Variants in KCNT2 observed in about 807,000 individuals in gnomAD.
The protein encoded by KCNT2 is potassium sodium-activated channel subfamily T member 2, also known as potassium channel subfamily T member 2.
A neutral mutation model predicts 153.8 loss-of-function variants in KCNT2; 67 were observed. The observed-to-expected ratio is 0.44, with a 90% CI of 0.36 to 0.53. The LOEUF (loss-of-function observed/expected upper bound fraction) is 0.53. Ranked by LOEUF, KCNT2 falls within the 20% of genes least tolerant of loss-of-function variation. KCNT2 has a pLI of 0.00. For synonymous variants in KCNT2, 500 were observed against 458.8 expected, an observed-to-expected ratio of 1.09 and a Z score of -1.15; for missense variants, 975 against 1,354.8, an observed-to-expected ratio of 0.72 and a Z score of 4.40.
intron 14 of KCNT2, among the ~76,000 whole-genome samples, chr1:196,344,172 A>G (rs539521614): frequency 2.6e-5 from 4 of 152,210 alleles, no homozygotes; most frequent in Non-Finnish European, 5.9e-5. Context: ...GTTAGATAAA[A>G]TGAGGTAACA....
chr1:196,593,531 A>G (rs1483792765), intron 1 of KCNT2, among the ~76,000 whole-genome samples: 1 of 151,884 alleles, frequency 6.6e-6, no homozygotes, highest in Non-Finnish European at 1.5e-5. Context: ...TGGTTTCGAA[A>G]ATAACTAAAA....
At chr1:196,237,623 G>A (rs916902773) in intron 26 of KCNT2, among the ~76,000 whole-genome samples, 1 of 151,704 alleles carries the variant, frequency 6.6e-6, no homozygotes, top group African/African-American at 2.4e-5. Context: ...GGAGTACAAT[G>A]GCTTGATCAT....
chr1:196,586,657 A>G (rs547641862), intron 1 of KCNT2, among the ~76,000 whole-genome samples: 41 of 152,228 alleles, frequency 2.7e-4, no homozygotes, highest in African/African-American at 9.4e-4. Context: ...GAAGACAAGT[A>G]GAAAGAAATA....
At chr1:196,599,159 G>A (rs548827490) in intron 1 of KCNT2, among the ~76,000 whole-genome samples, 59 of 152,330 alleles carry the variant, frequency 3.9e-4, no homozygotes, top group Non-Finnish European at 6.2e-4. Context: ...TAGTATTTCA[G>A]TTTTTGACAG....
chr1:196,601,959 G>A (rs558141895), intron 1 of KCNT2, among the ~76,000 whole-genome samples: 12 of 151,894 alleles, frequency 7.9e-5, no homozygotes, highest in African/African-American at 2.2e-4. Context: ...TTAGATAGAC[G>A]TCTGTTACTT....
intron 1 of KCNT2, among the ~76,000 whole-genome samples, chr1:196,500,779 A>C (rs1473923002): frequency 1.3e-5 from 2 of 152,260 alleles, no homozygotes; most frequent in African/African-American, 4.8e-5. Context: ...GAATGCCAGA[A>C]AATATTTGCA....
At chr1:196,490,064 T>C (rs1252362528) in intron 2 of KCNT2, 127 bp from the exon 3 acceptor site, 1 of 464,172 alleles carries the variant, frequency 2.2e-6, no homozygotes, top group South Asian at 4.6e-5. Flanking sequence ...ACTACTATAA[T>C]TGTCTAAACT....
chr1:196,451,213 CTT>C (rs1397017349), intron 8 of KCNT2, among the ~76,000 whole-genome samples: 1 of 50,770 alleles, frequency 2.0e-5, no homozygotes, highest in Non-Finnish European at 4.2e-5. Context: ...CTTAATCCCT[CTT>C]TCTTTTTTTT....
chr1:196,338,948 CAAA>C (rs976388530), intron 16 of KCNT2, among the ~76,000 whole-genome samples: 352 of 37,694 alleles, frequency 9.3e-3, no homozygotes, highest in African/African-American at 0.023. Flanking sequence ...TGCTTTTTAG[CAAA>C]AAAAAAAAAA....
chr1:196,409,118 T>A (rs1042028973), intron 12 of KCNT2, among the ~76,000 whole-genome samples: 1 of 151,226 alleles, frequency 6.6e-6, no homozygotes, highest in African/African-American at 2.4e-5. Flanking sequence ...ATACAAAATA[T>A]TCCTCTTCAT....
intron 1 of KCNT2, among the ~76,000 whole-genome samples, chr1:196,574,262 T>G (rs1661105834): frequency 1.3e-5 from 2 of 151,974 alleles, no homozygotes; most frequent in Non-Finnish European, 2.9e-5. Context: ...TCTTATTGTA[T>G]GTTAATCAAC....
chr1:196,522,869 C>A (rs927285559), intron 1 of KCNT2, among the ~76,000 whole-genome samples: 10 of 152,238 alleles, frequency 6.6e-5, no homozygotes, highest in Admixed American at 5.2e-4. Flanking sequence ...AATCAGCACT[C>A]TGTAAAATGG....
intron 1 of KCNT2, among the ~76,000 whole-genome samples, chr1:196,531,754 G>A (rs1182288271): frequency 6.6e-6 from 1 of 152,048 alleles, no homozygotes; most frequent in Non-Finnish European, 1.5e-5. Flanking sequence ...TCTCTAGTCA[G>A]TCTGTGCTAG....
intron 8 of KCNT2, among the ~76,000 whole-genome samples, chr1:196,439,634 G>C (rs1008094588): frequency 6.6e-6 from 1 of 151,902 alleles, no homozygotes; most frequent in Non-Finnish European, 1.5e-5. Flanking sequence ...GTAGAAGGTA[G>C]GAAAATATTT....
intron 26 of KCNT2, among the ~76,000 whole-genome samples, chr1:196,244,672 CA>C (rs1655269133): frequency 6.6e-6 from 1 of 152,092 alleles, no homozygotes; most frequent in African/African-American, 2.4e-5. Context: ...GGTGCCAGGC[CA>C]GCTGCAGTAG....
chr1:196,602,751 CTA>C (rs1664867671), intron 1 of KCNT2, among the ~76,000 whole-genome samples: 1 of 145,486 alleles, frequency 6.9e-6, no homozygotes, highest in Non-Finnish European at 1.5e-5. Flanking sequence ...ATGTATTACA[CTA>C]TATATATTCA....
rs75077985 is a variant in KCNT2, at chr1:196,468,813, G to C, written c.459+181C>G. 0.016 allele frequency among the ~76,000 whole-genome samples: 2,417 copies of C among 152,022 alleles called. 53 individuals are homozygous for C. The highest frequency in any genetic ancestry group is 0.071 in the South Asian group (340 of 4,812). ...ACTCTGCTATTGTATGAAATCATTA[G>C]TTTCCATTTAGTTACACAACACGAT... On this transcript the variant is annotated intron_variant, in intron 6 of 27. Coordinates refer to ENST00000294725, the MANE Select transcript of KCNT2 (RefSeq NM_198503.5).
At chr1:196,566,310 T>A (rs1188153394) in intron 1 of KCNT2, among the ~76,000 whole-genome samples, 2 of 151,890 alleles carry the variant, frequency 1.3e-5, no homozygotes, top group East Asian at 3.9e-4. Flanking sequence ...AATAAAGCAG[T>A]TTGAGTGATT....
intron 22 of KCNT2, among the ~76,000 whole-genome samples, chr1:196,296,761 G>A (rs1437964382): frequency 1.3e-5 from 2 of 152,146 alleles, no homozygotes; most frequent in African/African-American, 4.8e-5. Context: ...GACTTGGGCT[G>A]TGAAGTCAAG....
Sources: gnomAD v4.1 joint callset for allele counts (sites outside exome capture counted in the v4.1 genomes callset) on GRCh38, gnomAD v4.1.1 for gene constraint, MANE v1.5 for transcripts, NCBI Gene and HGNC (gene_info 2026-07-23, HGNC 2026-07-21) for gene names.